The following LRMDA variants were observed in gnomAD, a reference collection of about 807,000 sequenced individuals.
The protein encoded by LRMDA is leucine-rich melanocyte differentiation-associated protein.
Under a neutral mutation model 29.8 loss-of-function variants are expected in LRMDA, and 18 were observed. The observed-to-expected ratio is 0.60, with a 90% confidence interval of 0.42 to 0.90. LRMDA has a LOEUF of 0.90. LRMDA is among the 40% of genes least tolerant of loss of function. The pLI is 0.00. For missense variants in LRMDA, 273 were observed against 273.9 expected, an observed-to-expected ratio of 1.00 and a Z score of 0.02; for synonymous variants, 125 against 109.4, an observed-to-expected ratio of 1.14 and a Z score of -0.89.
At chr10:76,131,791 G>A (rs925994656) in intron 5 of LRMDA, among the ~76,000 whole-genome samples, 2 of 152,130 alleles carry the variant, frequency 1.3e-5, no homozygotes, top group Non-Finnish European at 2.9e-5. Flanking sequence ...CGTTGACAGG[G>A]CACTTGACAC....
intron 2 of LRMDA, among the ~76,000 whole-genome samples, chr10:75,859,600 TAC>T (rs71024575): frequency 0.068 from 5,283 of 77,344 alleles, 91 homozygotes; most frequent in African/African-American, 0.077. Flanking sequence ...ATTCAGGGCA[TAC>T]ACACACACAC....
intron 2 of LRMDA, among the ~76,000 whole-genome samples, chr10:75,828,982 T>C (rs2132288910): frequency 6.6e-6 from 1 of 152,306 alleles, no homozygotes; most frequent in South Asian, 2.1e-4. Flanking sequence ...CAGGCTTTTT[T>C]TAGGTGCTGC....
intron 2 of LRMDA, among the ~76,000 whole-genome samples, chr10:75,732,070 C>T (rs187595307): frequency 6.6e-6 from 1 of 152,188 alleles, no homozygotes; most frequent in African/African-American, 2.4e-5. Context: ...TTTCCCCTAA[C>T]ACTTTTACGT....
chr10:76,139,231 G>T (rs781419033), intron 5 of LRMDA, among the ~76,000 whole-genome samples: 4 of 152,078 alleles, frequency 2.6e-5, no homozygotes, highest in Non-Finnish European at 4.4e-5. Flanking sequence ...AGAGCTGTTA[G>T]AAAATTTAAA....
chr10:76,313,746 G>T (rs1469853027), intron 5 of LRMDA, among the ~76,000 whole-genome samples: 1 of 151,952 alleles, frequency 6.6e-6, no homozygotes, highest in African/African-American at 2.4e-5. Flanking sequence ...ATGATGTGTA[G>T]AACACAATTA....
At chr10:75,530,702 T>C (rs72809409) in intron 2 of LRMDA, among the ~76,000 whole-genome samples, 1 of 152,294 alleles carries the variant, frequency 6.6e-6, no homozygotes, top group Non-Finnish European at 1.5e-5. Context: ...AGGTAATGGC[T>C]CACTGAGACT....
chr10:76,327,348 C>T (rs1320576257), intron 6 of LRMDA, among the ~76,000 whole-genome samples: 2 of 152,126 alleles, frequency 1.3e-5, no homozygotes, highest in Non-Finnish European at 2.9e-5. Flanking sequence ...GCCTCGGCCT[C>T]CCAAAGTGCT....
At chr10:76,143,465 T>G (rs1311520077) in intron 5 of LRMDA, among the ~76,000 whole-genome samples, 1 of 152,178 alleles carries the variant, frequency 6.6e-6, no homozygotes, top group Non-Finnish European at 1.5e-5. Flanking sequence ...TTTTTTCATG[T>G]GTTTTTTGGC....
chr10:76,423,911 T>C (rs926073593), intron 6 of LRMDA, among the ~76,000 whole-genome samples: 2 of 152,152 alleles, frequency 1.3e-5, no homozygotes, highest in African/African-American at 4.8e-5. Context: ...TTACTAGACC[T>C]GGGGGTCTCC....
chr10:76,234,772 C>T (rs1852121077), intron 5 of LRMDA, among the ~76,000 whole-genome samples: 1 of 152,186 alleles, frequency 6.6e-6, no homozygotes, highest in East Asian at 1.9e-4. Flanking sequence ...GCTTCTTTAC[C>T]TCTCAGCCTT....
intron 2 of LRMDA, among the ~76,000 whole-genome samples, chr10:75,749,825 A>G (rs1219287628): frequency 6.6e-6 from 1 of 152,118 alleles, no homozygotes; most frequent in Non-Finnish European, 1.5e-5. Flanking sequence ...GGGAGTGGTG[A>G]TGACTCTTAA....
intron 2 of LRMDA, among the ~76,000 whole-genome samples, chr10:75,699,195 G>A (rs1406675863): frequency 7.0e-6 from 1 of 142,848 alleles, no homozygotes; most frequent in East Asian, 2.0e-4. Context: ...AGTGAGACTT[G>A]GTCTCAAAAA....
At chr10:76,053,342 T>C (rs1158659149) in intron 4 of LRMDA, among the ~76,000 whole-genome samples, 1 of 152,210 alleles carries the variant, frequency 6.6e-6, no homozygotes, top group East Asian at 1.9e-4. Flanking sequence ...TGAAATGTTT[T>C]ATGTACTATG....
chr10:75,802,933 T>C (rs926422364), intron 2 of LRMDA, among the ~76,000 whole-genome samples: 1 of 63,180 alleles, frequency 1.6e-5, no homozygotes, highest in African/African-American at 4.2e-5. Flanking sequence ...TAATACATTA[T>C]GTGTGTGTGT....
At chr10:75,717,797 G>A (rs1029335474) in intron 2 of LRMDA, among the ~76,000 whole-genome samples, 5 of 152,156 alleles carry the variant, frequency 3.3e-5, no homozygotes, top group Admixed American at 3.3e-4. Flanking sequence ...GTCCTCTGAT[G>A]GGAATGATGG....
intron 5 of LRMDA, among the ~76,000 whole-genome samples, chr10:76,305,312 T>C (rs964446777): frequency 2.0e-5 from 3 of 152,226 alleles, no homozygotes; most frequent in Non-Finnish European, 2.9e-5. Context: ...AGACAGTAGA[T>C]GGTAGAACGG....
chr10:76,399,288 A>T (rs1400665295), intron 6 of LRMDA, among the ~76,000 whole-genome samples: 2 of 152,148 alleles, frequency 1.3e-5, no homozygotes, highest in East Asian at 3.8e-4. Flanking sequence ...CTCTGGAAAA[A>T]TCCTGGTGGG....
intron 2 of LRMDA, among the ~76,000 whole-genome samples, chr10:75,920,738 G>A (rs1256294370): frequency 6.6e-6 from 1 of 152,158 alleles, no homozygotes; most frequent in Non-Finnish European, 1.5e-5. Flanking sequence ...ACTAGAAAAT[G>A]AAACACAGCT....
At chr10:75,815,003 G>A (rs1051706951) in intron 2 of LRMDA, among the ~76,000 whole-genome samples, 1 of 152,108 alleles carries the variant, frequency 6.6e-6, no homozygotes, top group Admixed American at 6.5e-5. Context: ...TGTACCCATT[G>A]GTTTTCCAAG....
Sources: allele counts gnomAD v4.1 joint callset (sites outside exome capture counted in the v4.1 genomes callset), GRCh38; gene constraint gnomAD v4.1.1; transcripts MANE v1.5; gene names NCBI Gene and HGNC (gene_info 2026-07-23, HGNC 2026-07-21).